The following GLRX5 variants were observed in gnomAD, a reference collection of about 807,000 sequenced individuals.
GLRX5 encodes the protein glutaredoxin 5.
GLRX5 carries 10 observed loss-of-function variants against 13.8 expected under a neutral mutation model. The ratio of observed to expected loss-of-function variants is 0.72; its 90% CI spans 0.45 to 1.23. GLRX5 has a LOEUF of 1.23. Among genes scored for constraint, GLRX5 ranks in the 50% most tolerant of loss-of-function variants. The pLI is 0.00. For synonymous variants in GLRX5, 98 were observed against 101.1 expected (o/e 0.97, Z 0.18); for missense variants, 233 against 215.2 (o/e 1.08, Z -0.52).
intron 1 of GLRX5, 59 bp downstream of exon 1, chr14:95,535,443 G>T: frequency 4.1e-6 from 6 of 1,466,346 alleles, no homozygotes; most frequent in East Asian, 2.5e-5. Context: ...ATCGCTGCAC[G>T]AGGCCGAGGG....
chr14:95,539,208 G>A (rs779537151), intron 1 of GLRX5, among the ~76,000 whole-genome samples: 6 of 152,176 alleles, frequency 3.9e-5, no homozygotes, highest in Admixed American at 1.3e-4. Context: ...TCCCTGGTCC[G>A]TGGAAAAATT....
intron 1 of GLRX5, chr14:95,542,970 C>T (rs716315): frequency 0.47 from 206,368 of 440,366 alleles, 51,658 homozygotes; most frequent in Non-Finnish European, 0.55. Flanking sequence ...CATTTTGTTA[C>T]AGTCATCATC....
chr14:95,537,830 A>G (rs1467790494), intron 1 of GLRX5, among the ~76,000 whole-genome samples: 1 of 152,224 alleles, frequency 6.6e-6, no homozygotes, highest in Non-Finnish European at 1.5e-5. Flanking sequence ...CTGTGACCCA[A>G]GGAACAAAGG....
At chr14:95,537,440 T>TA (rs1446733643) in intron 1 of GLRX5, among the ~76,000 whole-genome samples, 1 of 152,252 alleles carries the variant, frequency 6.6e-6, no homozygotes, top group East Asian at 1.9e-4. Context: ...GAATATAACA[T>TA]ACCTCTTTTA....
intron 1 of GLRX5, among the ~76,000 whole-genome samples, chr14:95,539,885 A>G (rs1374881644): frequency 4.2e-5 from 3 of 71,560 alleles, no homozygotes; most frequent in Non-Finnish European, 8.5e-5. Context: ...AATAAATGGT[A>G]TATATATATA....
chr14:95,543,238 C>A, intron 1 of GLRX5: 1 of 455,712 alleles, frequency 2.2e-6, no homozygotes, highest in Non-Finnish European at 4.4e-6. Context: ...GCCTCATCAT[C>A]CACTCCACAG....
chr14:95,538,438 C>T (rs568363819), intron 1 of GLRX5, among the ~76,000 whole-genome samples: 37 of 152,292 alleles, frequency 2.4e-4, no homozygotes, highest in Admixed American at 3.9e-4. Context: ...TTTGAAAATA[C>T]GCTCCACCTT....
Position 95,535,197 on chromosome 14 carries a change from G to C in GLRX5, c.108G>C (p.Ala36=), listed in dbSNP as rs1008334686. The change falls in exon 1 of 2, where the codon GCG becomes GCC. Residue 36 remains alanine (A), a synonymous_variant. Transcript: ENST00000331334. ...GCGTGCGGGCGGCGGGCTCGGGCGC[G>C]GGCGGCGGCGGCTCGGCGGAGCAGT... The part of the protein sequence containing the change: ...GPGVRAAGSG[A]GGGGSAEQLD... 6.6e-7 allele frequency: 1 copy of C among 1,503,790 alleles called. No homozygotes were observed. Among genetic ancestry groups the C allele is most frequent in the Non-Finnish European group, 8.9e-7 (1 of 1,125,514 alleles). The allele number at this position is 1,503,790 out of a possible 1,614,324, so 93.2% of individuals were successfully genotyped here.
In GLRX5 at chr14:95,544,139, C is replaced by G; in HGVS notation, c.*14C>G. On this transcript the variant is annotated 3_prime_UTR_variant, in exon 2 of 2. Coordinates refer to ENST00000331334, the MANE Select transcript of GLRX5 (RefSeq NM_016417.3). ...GACTCCAAGTGAGGGCGGCCAAGTCCTCGCTGAGCAGAGAGGGAGCCGTTC... is the reference window on the plus strand; with the variant it reads ...GACTCCAAGTGAGGGCGGCCAAGTCGTCGCTGAGCAGAGAGGGAGCCGTTC... The G allele has an allele frequency of 1.2e-6, 2 of 1,611,066 alleles. No homozygotes were observed. The highest frequency in any genetic ancestry group is 1.7e-6 in the Non-Finnish European group (2 of 1,177,800).
chr14:95,538,455 A>G (rs1053740082), intron 1 of GLRX5, among the ~76,000 whole-genome samples: 2 of 152,260 alleles, frequency 1.3e-5, no homozygotes, highest in East Asian at 3.8e-4. Context: ...CCTTTTCAGT[A>G]TCAGGGAATT....
intron 1 of GLRX5, among the ~76,000 whole-genome samples, chr14:95,541,375 A>G (rs1190922346): frequency 6.6e-6 from 1 of 152,240 alleles, no homozygotes; most frequent in East Asian, 1.9e-4. Context: ...TATTTCCTTA[A>G]ATATTTAAAC....
At chr14:95,542,287 A>G (rs1891486384) in intron 1 of GLRX5, among the ~76,000 whole-genome samples, 1 of 152,246 alleles carries the variant, frequency 6.6e-6, no homozygotes, top group South Asian at 2.1e-4. Flanking sequence ...AGACATTTTG[A>G]TGATTAATGG....
At chr14:95,538,439 G>A (rs889233622) in intron 1 of GLRX5, among the ~76,000 whole-genome samples, 1 of 152,134 alleles carries the variant, frequency 6.6e-6, no homozygotes, top group Non-Finnish European at 1.5e-5. Flanking sequence ...TTGAAAATAC[G>A]CTCCACCTTT....
At chr14:95,542,983 T>C in intron 1 of GLRX5, 1 of 450,284 alleles carries the variant, frequency 2.2e-6, no homozygotes, top group South Asian at 1.6e-5. Flanking sequence ...TCATCATCCT[T>C]GTGGCTCAGA....
intron 1 of GLRX5, 85 bp downstream of exon 1, chr14:95,535,469 GC>G: frequency 7.5e-7 from 1 of 1,339,008 alleles, no homozygotes; most frequent in Non-Finnish European, 1.0e-6. Flanking sequence ...GCCGCGCCGG[GC>G]TGGGGAGCGG....
rs1266103425 is a variant in GLRX5, at chr14:95,544,214, A to G, written c.*89A>G. ...AGCCTTACCCATTTTGGTTTTCACT[A>G]TTGAGACCGCAACTGCTTGCACTGA... On this transcript the variant is annotated 3_prime_UTR_variant, in exon 2 of 2. Coordinates refer to ENST00000331334, the MANE Select transcript of GLRX5 (RefSeq NM_016417.3). 2 of 1,056,374 alleles carry G rather than the reference A, an allele frequency of 1.9e-6. No individual in the cohort carries two copies. Among genetic ancestry groups the G allele is most frequent in the South Asian group, 1.3e-5 (1 of 75,036 alleles). 65.4% of individuals were successfully genotyped at this position (1,056,374 alleles called of 1,614,324 possible).
Position 95,544,349 on chromosome 14 carries a change from T to C in GLRX5, c.*224T>C, listed in dbSNP as rs778014019. The C allele has an allele frequency of 1.7e-6, 1 of 573,546 alleles. No individual in the cohort carries two copies. The highest frequency in any genetic ancestry group is 3.1e-6 in the Non-Finnish European group (1 of 320,618). The allele number at this position is 573,546 out of a possible 1,614,324, so 35.5% of individuals were successfully genotyped here. A position where few individuals can be genotyped will look rare whatever the true frequency, so the allele number is the denominator to read the frequency against. ...ACTGCACTGTAATGATTCAATGCTG[T>C]ATTATGATATTGCTGTAAACAAAAT... On this transcript the variant is annotated 3_prime_UTR_variant, in exon 2 of 2. Coordinates refer to ENST00000331334, the MANE Select transcript of GLRX5 (RefSeq NM_016417.3).
At chr14:95,542,575 G>A (rs910115271) in intron 1 of GLRX5, among the ~76,000 whole-genome samples, 3 of 152,116 alleles carry the variant, frequency 2.0e-5, no homozygotes, top group Admixed American at 2.0e-4. Flanking sequence ...ATTTTATTTG[G>A]AAAATGTTTG....
At position 95,544,154 on chromosome 14, in the gene GLRX5, G is replaced by C; in HGVS notation, c.*29G>C. ...CGGCCAAGTCCTCGCTGAGCAGAGAGGGAGCCGTTCATGTCAGAGACTCAC... is the reference window on the plus strand; with the variant it reads ...CGGCCAAGTCCTCGCTGAGCAGAGACGGAGCCGTTCATGTCAGAGACTCAC... On this transcript the variant is annotated 3_prime_UTR_variant, in exon 2 of 2. Coordinates refer to ENST00000331334, the MANE Select transcript of GLRX5 (RefSeq NM_016417.3). 1.2e-6 allele frequency: 2 copies of C among 1,601,742 alleles called. No individual in the cohort carries two copies. The highest frequency in any genetic ancestry group is 2.2e-5 in the South Asian group (2 of 90,538).
Sources: allele counts gnomAD v4.1 joint callset (sites outside exome capture counted in the v4.1 genomes callset), GRCh38; gene constraint gnomAD v4.1.1; transcripts MANE v1.5; gene names NCBI Gene and HGNC (gene_info 2026-07-23, HGNC 2026-07-21).